FREM3: variants seen among roughly 807,000 people sequenced by gnomAD.
FREM3 encodes FRAS1-related extracellular matrix protein 3.
Under a neutral mutation model 129.1 loss-of-function variants are expected in FREM3, and 105 were observed. That is an observed-to-expected ratio of 0.81 (90% CI 0.69 to 0.96). The LOEUF (loss-of-function observed/expected upper bound fraction) is 0.96, where lower values mean the gene tolerates loss of function less well. Ranked by LOEUF, FREM3 falls within the 40% of genes least tolerant of loss-of-function variation. FREM3 has a pLI of 0.00. For synonymous variants in FREM3, 1,014 were observed against 1,044.9 expected, an observed-to-expected ratio of 0.97 and a Z score of 0.57; for missense variants, 2,593 against 2,666.3, an observed-to-expected ratio of 0.97 and a Z score of 0.61.
chr4:143,668,896 G>A (rs776996823), intron 2 of FREM3, among the ~76,000 whole-genome samples: 1 of 152,194 alleles, frequency 6.6e-6, no homozygotes, highest in African/African-American at 2.4e-5. Context: ...GGAATTGTAA[G>A]CAAATTGCTC....
At chr4:143,582,882 T>A (rs530067402) in intron 7 of FREM3, among the ~76,000 whole-genome samples, 5 of 143,586 alleles carry the variant, frequency 3.5e-5, no homozygotes, top group South Asian at 4.5e-4. Flanking sequence ...TTATTATTTT[T>A]AAATTAATTA....
intron 5 of FREM3, among the ~76,000 whole-genome samples, chr4:143,620,233 TC>T (rs1738921987): frequency 6.6e-6 from 1 of 152,130 alleles, no homozygotes; most frequent in Non-Finnish European, 1.5e-5. Flanking sequence ...ATCTCCAGAT[TC>T]CCAGGCCAAC....
chr4:143,665,436 C>G (rs1204876122), intron 2 of FREM3, among the ~76,000 whole-genome samples: 1 of 152,032 alleles, frequency 6.6e-6, no homozygotes, highest in Non-Finnish European at 1.5e-5. Flanking sequence ...TCCCAGTTGC[C>G]TAGCATATAG....
At chr4:143,660,779 C>G (rs1162704356) in intron 2 of FREM3, among the ~76,000 whole-genome samples, 8 of 152,104 alleles carry the variant, frequency 5.3e-5, no homozygotes, top group Non-Finnish European at 8.8e-5. Flanking sequence ...GTTTGTAGTT[C>G]TCCTTGAAGA....
chr4:143,593,912 C>T (rs926004817), intron 6 of FREM3, among the ~76,000 whole-genome samples: 20 of 151,970 alleles, frequency 1.3e-4, no homozygotes, highest in Non-Finnish European at 5.9e-5. Context: ...CGCTTTGGCT[C>T]AAGCCTCGGC....
intron 2 of FREM3, among the ~76,000 whole-genome samples, chr4:143,669,682 C>T (rs1220230253): frequency 3.3e-5 from 5 of 151,482 alleles, no homozygotes; most frequent in Admixed American, 3.3e-4. Flanking sequence ...CACAAGTCAC[C>T]TAAGGACTTG....
rs1023243331 is a variant in FREM3 at position 143,632,101 on chromosome 4, CAATT to C, written c.5276-4345_5276-4342del. On this transcript the variant is annotated intron_variant, in intron 2 of 7. Transcript: ENST00000329798. ...TTGAAGGATGATTGATGAAAAGTTA[CAATT>C]AATTAATTAAGCCATCCATTCAGTT... Among the ~76,000 whole-genome samples the C allele has an allele frequency of 5.9e-5, 9 of 152,202 alleles. 1 individual carries two copies. The highest frequency in any genetic ancestry group is 3.3e-4 in the Admixed American group (5 of 15,276).
intron 6 of FREM3, among the ~76,000 whole-genome samples, chr4:143,598,398 T>A (rs1299500413): frequency 6.6e-6 from 1 of 152,232 alleles, no homozygotes; most frequent in Non-Finnish European, 1.5e-5. Flanking sequence ...AGCTGTGGCA[T>A]ATGCTAGCTT....
intron 3 of FREM3, among the ~76,000 whole-genome samples, chr4:143,626,872 G>A (rs1025371506): frequency 4.6e-5 from 7 of 152,144 alleles, no homozygotes; most frequent in African/African-American, 1.7e-4. Context: ...GGTCCTGCAT[G>A]TCGAGGAAAC....
At position 143,695,950 on chromosome 4, in the gene FREM3, T is replaced by C. The variant is rs1232325683; in HGVS notation, c.4726A>G (p.Ile1576Val). 1.6e-5 allele frequency: 24 copies of C among 1,537,726 alleles called. No individual in the cohort carries two copies. Among genetic ancestry groups the C allele is most frequent in the Non-Finnish European group, 2.0e-5 (23 of 1,147,052 alleles). ...TTGCCATGCATGGGGACCTGGGTGA[T>C]GGTAAAGAGAATAAGGTCATCTGGG... Reference protein sequence around the residue: ...DTPDDLILFTITQVPMHGKIL... With the variant: ...DTPDDLILFTVTQVPMHGKIL... Residue 1576 changes from isoleucine (I) to valine (V), a missense_variant, in exon 1 of 8, where the codon ATC becomes GTC. Physicochemically the swap from Ile to Val is conservative, Grantham distance 29. This residue lies in a region of FREM3 where 2,276 missense variants were observed against 2,267.2 expected (regional missense o/e 1.00). Coordinates refer to ENST00000329798, the MANE Select transcript of FREM3 (RefSeq NM_001168235.2).
intron 2 of FREM3, among the ~76,000 whole-genome samples, chr4:143,662,442 G>T (rs916781446): frequency 3.9e-5 from 6 of 152,082 alleles, no homozygotes; most frequent in Non-Finnish European, 4.4e-5. Flanking sequence ...ATTGCACTGT[G>T]GTCTGAGAGA....
chr4:143,581,248 T>C (rs1027964676), intron 7 of FREM3, among the ~76,000 whole-genome samples: 2 of 152,200 alleles, frequency 1.3e-5, no homozygotes, highest in Admixed American at 6.5e-5. Flanking sequence ...CCTTTAGTCA[T>C]TGGCGGCTCT....
At chr4:143,618,936 A>T (rs750374349) in intron 5 of FREM3, among the ~76,000 whole-genome samples, 5 of 151,646 alleles carry the variant, frequency 3.3e-5, no homozygotes, top group Non-Finnish European at 5.9e-5. Context: ...ACAACAAAAA[A>T]CTCCCACTAG....
intron 6 of FREM3, among the ~76,000 whole-genome samples, chr4:143,596,800 G>A (rs1037119813): frequency 4.1e-4 from 62 of 151,960 alleles, no homozygotes; most frequent in African/African-American, 1.5e-3. Context: ...TTAGCTGGGT[G>A]TGGTGCATAT....
At chr4:143,578,950 A>C (rs562679199) in intron 7 of FREM3, among the ~76,000 whole-genome samples, 2 of 152,272 alleles carry the variant, frequency 1.3e-5, no homozygotes, top group East Asian at 1.9e-4. Flanking sequence ...CAAGTGTATC[A>C]AGTTAATTTC....
At chr4:143,660,072 A>G (rs2149851727) in intron 2 of FREM3, among the ~76,000 whole-genome samples, 2 of 147,620 alleles carry the variant, frequency 1.4e-5, no homozygotes, top group East Asian at 4.0e-4. Flanking sequence ...GCTGTGCAGA[A>G]GCTCTTTAGT....
intron 6 of FREM3, among the ~76,000 whole-genome samples, chr4:143,599,149 G>A (rs1196340655): frequency 6.6e-6 from 1 of 152,124 alleles, no homozygotes; most frequent in African/African-American, 2.4e-5. Context: ...TCAGAAAGCT[G>A]ATTTTTAAAA....
At chr4:143,664,576 A>G (rs1002902161) in intron 2 of FREM3, among the ~76,000 whole-genome samples, 20 of 152,118 alleles carry the variant, frequency 1.3e-4, no homozygotes, top group African/African-American at 4.8e-4. Context: ...CCGTTCTCAG[A>G]TCTCCAGCTG....
intron 1 of FREM3, among the ~76,000 whole-genome samples, chr4:143,694,480 TTTATA>T (rs1740529983): frequency 6.6e-6 from 1 of 152,248 alleles, no homozygotes; most frequent in African/African-American, 2.4e-5. Context: ...TAATTATGTT[TTTATA>T]TTGGTAATTA....
Sources: gnomAD v4.1 joint callset for allele counts (sites outside exome capture counted in the v4.1 genomes callset) on GRCh38, gnomAD v4.1.1 for gene constraint, gnomAD v4.1.1 regional missense constraint, MANE v1.5 for transcripts, NCBI Gene and HGNC (gene_info 2026-07-23, HGNC 2026-07-21) for gene names.